The following PCDHGB3 variants were observed in gnomAD, a reference collection of about 807,000 sequenced individuals.
The protein encoded by PCDHGB3 is protocadherin gamma-B3.
A neutral mutation model predicts 59.2 loss-of-function variants in PCDHGB3; 40 were observed. The ratio of observed to expected loss-of-function variants is 0.68; its 90% CI spans 0.52 to 0.88. The LOEUF is 0.88. Among genes scored for constraint, PCDHGB3 ranks in the 40% least tolerant of loss-of-function variants. The pLI is 0.00. For missense variants in PCDHGB3, 1,309 were observed against 1,187.9 expected, an observed-to-expected ratio of 1.10 and a Z score of -1.50; for synonymous variants, 581 against 503.6, an observed-to-expected ratio of 1.15 and a Z score of -2.06.
Position 141,371,741 on chromosome 5 carries a change from T to C in PCDHGB3, c.1347T>C (p.Val449=), listed in dbSNP as rs1767988332. ...ACATCCTTGATGTCAACGACAACGTTCCCGTTTTCCACCAGGCCTCCTACA... is the reference window on the plus strand; with the variant it reads ...ACATCCTTGATGTCAACGACAACGTCCCCGTTTTCCACCAGGCCTCCTACA... ...TLHILDVNDN[V]PVFHQASYTV... Residue 449 remains valine, a synonymous_variant, in exon 1 of 4, where the codon GTT becomes GTC. Transcript: ENST00000576222. The C allele has an allele frequency of 6.2e-7, 1 of 1,614,004 alleles. No homozygotes were observed. The highest frequency in any genetic ancestry group is 2.2e-5 in the East Asian group (1 of 44,884).
Position 141,490,122 on chromosome 5 carries a change from C to T in PCDHGB3, c.2416-4685C>T. 3 of 1,614,260 alleles carry T rather than the reference C, an allele frequency of 1.9e-6. No homozygotes were observed. The highest frequency in any genetic ancestry group is 2.5e-6 in the Non-Finnish European group (3 of 1,180,046). On this transcript the variant is annotated intron_variant, in intron 1 of 3. Coordinates refer to ENST00000576222, the MANE Select transcript of PCDHGB3 (RefSeq NM_018924.5). The surrounding 1 kb of genome is among the most constrained non-coding windows in gnomAD (Gnocchi z 5.4). ...CTGAGGCAGTGCGGAACCTCTTTGG[C>T]CTAGACCCTAGCAGTGGGGCAATCC... is the stretch of plus-strand genomic sequence containing the variant.
rs746989617 is a variant in PCDHGB3 at position 141,422,853 on chromosome 5, C to G, written c.2415+50044C>G. On this transcript the variant is annotated intron_variant, in intron 1 of 3. Transcript: ENST00000576222. ...TAGCACGTGACAGCGGGGACCCGCC[C>G]CTCAGCAGCAACGTGTCGCTGAGCC... 16 of 1,614,146 alleles carry G rather than the reference C, an allele frequency of 9.9e-6. 1 individual carries two copies. In the South Asian group the frequency reaches 1.6e-4, roughly 17 times the overall value.
Position 141,432,465 on chromosome 5 carries a change from C to T in PCDHGB3, c.2415+59656C>T. 3 of 1,614,222 alleles carry T rather than the reference C, an allele frequency of 1.9e-6. No individual in the cohort carries two copies. The highest frequency in any genetic ancestry group is 2.5e-6 in the Non-Finnish European group (3 of 1,180,050). On this transcript the variant is annotated intron_variant, in intron 1 of 3. Transcript: ENST00000576222. This position sits in a 1 kb window ranked among gnomAD's most constrained non-coding sequence, Gnocchi z 6.0. The stretch of plus-strand genomic sequence containing the variant: ...GAGATCCTGTACCCCGCCCTCCCCA[C>T]GGACGGTTCCACTGGCGTGGAGCTG...
chr5:141,446,578 GTGAT>G (rs2098507706), intron 1 of PCDHGB3, among the ~76,000 whole-genome samples: 1 of 152,064 alleles, frequency 6.6e-6, no homozygotes, highest in African/African-American at 2.4e-5. Context: ...CCAGGTTCAA[GTGAT>G]TCTTCTGCCT....
At chr5:141,415,012 C>T (rs1451963535) in intron 1 of PCDHGB3, 2 of 1,613,644 alleles carry the variant, frequency 1.2e-6, no homozygotes, top group South Asian at 1.1e-5. Context: ...CTACCGTCTG[C>T]TCAAGGCCAG....
intron 1 of PCDHGB3, among the ~76,000 whole-genome samples, chr5:141,373,364 G>A (rs576808182): frequency 3.3e-5 from 5 of 152,214 alleles, no homozygotes; most frequent in Non-Finnish European, 7.3e-5. Flanking sequence ...GCACTGTAAT[G>A]AATTGGTTCA....
intron 1 of PCDHGB3, among the ~76,000 whole-genome samples, chr5:141,455,407 A>T (rs1273781307): frequency 1.3e-5 from 2 of 152,174 alleles, no homozygotes; most frequent in Non-Finnish European, 2.9e-5. Context: ...TTACAGAGAC[A>T]GAGGGAGCGG....
rs770619389 is a variant in PCDHGB3 at position 141,490,764 on chromosome 5, T to C, written c.2416-4043T>C. On this transcript the variant is annotated intron_variant, in intron 1 of 3. Coordinates refer to ENST00000576222, the MANE Select transcript of PCDHGB3 (RefSeq NM_018924.5). The surrounding 1 kb of genome is among the most constrained non-coding windows in gnomAD (Gnocchi z 5.4). ...GAGCCCCAGCCTCCTCCTTTGTGTA[T>C]GTCAACCCAGAGGATGGACGGATCT... is the stretch of plus-strand genomic sequence containing the variant. 22 of 1,613,970 alleles carry C rather than the reference T, an allele frequency of 1.4e-5. No individual in the cohort carries two copies. Among genetic ancestry groups the C allele is most frequent in the Non-Finnish European group, 1.6e-5 (19 of 1,179,928 alleles).
At chr5:141,449,202 C>T (rs77980623) in intron 1 of PCDHGB3, among the ~76,000 whole-genome samples, 7,411 of 152,148 alleles carry the variant, frequency 0.049, 284 homozygotes, top group African/African-American at 0.1. Context: ...AGTGTTAATT[C>T]TAACTTTCTG....
At chr5:141,385,016 C>A (rs536780147) in intron 1 of PCDHGB3, 4 of 1,614,186 alleles carry the variant, frequency 2.5e-6, no homozygotes, top group Non-Finnish European at 3.4e-6. Flanking sequence ...GTCTTCCTAG[C>A]CTTCGTCCTC....
At chr5:141,409,464 C>T in intron 1 of PCDHGB3, 1 of 1,613,940 alleles carries the variant, frequency 6.2e-7, no homozygotes, top group East Asian at 2.2e-5. Context: ...TACAATGTCA[C>T]CATCGTAGCC....
chr5:141,455,140 A>G (rs1465733732), intron 1 of PCDHGB3, among the ~76,000 whole-genome samples: 1 of 150,512 alleles, frequency 6.6e-6, no homozygotes, highest in Non-Finnish European at 1.5e-5. Context: ...ACACTGTGTT[A>G]AATAAATATT....
chr5:141,375,139 A>C, intron 1 of PCDHGB3: 1 of 1,613,936 alleles, frequency 6.2e-7, no homozygotes, highest in Non-Finnish European at 8.5e-7. Context: ...TTACATCTGG[A>C]AGCAGAACAA....
intron 1 of PCDHGB3, among the ~76,000 whole-genome samples, chr5:141,457,124 ACT>A (rs1304231701): frequency 6.6e-6 from 1 of 152,158 alleles, no homozygotes; most frequent in Non-Finnish European, 1.5e-5. Context: ...AGCAATGGAA[ACT>A]CTGTCCAATA....
In PCDHGB3 at chr5:141,371,664, G is replaced by A. The variant is rs1433896687; in HGVS notation, c.1270G>A (p.Ala424Thr). ...QIPEYNVTIT[A>T]TDKGNPPLSS... ...CCCAGAATACAATGTGACGATCACA[G>A]CTACCGACAAAGGCAATCCACCGCT... is the stretch of plus-strand genomic sequence containing the variant. The change falls in exon 1 of 4, where the codon GCT (alanine) becomes ACT (threonine). Residue 424 changes from alanine (A) to threonine (T), a missense_variant. Physicochemically the swap from Ala to Thr is moderately conservative, Grantham distance 58. Transcript: ENST00000576222. 1.2e-6 allele frequency: 2 copies of A among 1,613,906 alleles called. No individual in the cohort carries two copies. Among genetic ancestry groups the A allele is most frequent in the Non-Finnish European group, 1.7e-6 (2 of 1,179,896 alleles).
At position 141,489,586 on chromosome 5, in the gene PCDHGB3, C is replaced by T; in HGVS notation, c.2416-5221C>T. 1 of 1,614,082 alleles carries T rather than the reference C, an allele frequency of 6.2e-7. No individual in the cohort carries two copies. The highest frequency in any genetic ancestry group is 8.5e-7 in the Non-Finnish European group (1 of 1,179,988). On this transcript the variant is annotated intron_variant, in intron 1 of 3. Coordinates refer to ENST00000576222, the MANE Select transcript of PCDHGB3 (RefSeq NM_018924.5). This position sits in a 1 kb window ranked among gnomAD's most constrained non-coding sequence, Gnocchi z 4.5. ...GGTGGTGACTGAACACCCCCTGGAG[C>T]TAATCCGTGTAGAGGTAGAGATCCT...
intron 1 of PCDHGB3, chr5:141,394,043 G>C (rs1431547996): frequency 6.2e-7 from 1 of 1,613,576 alleles, no homozygotes; most frequent in South Asian, 1.1e-5. Context: ...GGAAATATTT[G>C]GACCGAGAAA....
At chr5:141,398,367 G>C (rs1480641333) in intron 1 of PCDHGB3, 1 of 1,430,476 alleles carries the variant, frequency 7.0e-7, no homozygotes, top group Non-Finnish European at 9.7e-7. Context: ...TGAGCGCAGA[G>C]AGCGGGGAGT....
chr5:141,408,855 G>T, intron 1 of PCDHGB3: 1 of 1,613,572 alleles, frequency 6.2e-7, no homozygotes, highest in Non-Finnish European at 8.5e-7. Context: ...TTGGACGGAG[G>T]GGACCCACCA....
Sources: allele counts gnomAD v4.1 joint callset (sites outside exome capture counted in the v4.1 genomes callset), GRCh38; gene constraint gnomAD v4.1.1; non-coding constraint Gnocchi (gnomAD v3.1); transcripts MANE v1.5; gene names NCBI Gene and HGNC (gene_info 2026-07-23, HGNC 2026-07-21).